The following MACROD2 variants were observed in gnomAD, a reference collection of about 807,000 sequenced individuals.
The protein encoded by MACROD2 is ADP-ribose glycohydrolase MACROD2.
MACROD2 carries 36 observed loss-of-function variants against 70.4 expected under a neutral mutation model. The observed-to-expected ratio is 0.51, with a 90% confidence interval of 0.39 to 0.68. The LOEUF is 0.68. Ranked by LOEUF, MACROD2 falls within the 30% of genes least tolerant of loss-of-function variation. The pLI is 0.00. For synonymous variants in MACROD2, 172 were observed against 178.8 expected (o/e 0.96, Z 0.30); for missense variants, 496 against 538.4 (o/e 0.92, Z 0.78).
At chr20:14,348,501 C>A (rs1465101460) in intron 3 of MACROD2, among the ~76,000 whole-genome samples, 1 of 151,710 alleles carries the variant, frequency 6.6e-6, no homozygotes, top group Non-Finnish European at 1.5e-5. Flanking sequence ...CTCCTCTGAA[C>A]CTTATTACTT....
intron 6 of MACROD2, among the ~76,000 whole-genome samples, chr20:15,408,479 G>A (rs547333128): frequency 9.9e-5 from 15 of 152,204 alleles, no homozygotes; most frequent in Non-Finnish European, 2.2e-4. Context: ...TTTTATCTAC[G>A]GTTCCATGCA....
intron 2 of MACROD2, among the ~76,000 whole-genome samples, chr20:14,055,325 G>T (rs946755216): frequency 2.0e-5 from 3 of 151,578 alleles, no homozygotes; most frequent in African/African-American, 7.3e-5. Flanking sequence ...TTGCAATGCC[G>T]CCCTCTAGTG....
At chr20:15,897,502 T>C (rs2064991347) in intron 10 of MACROD2, among the ~76,000 whole-genome samples, 1 of 152,140 alleles carries the variant, frequency 6.6e-6, no homozygotes, top group Non-Finnish European at 1.5e-5. Context: ...TTCTAATCTA[T>C]TACTTTCTAT....
intron 5 of MACROD2, among the ~76,000 whole-genome samples, chr20:14,821,953 T>C (rs2072850095): frequency 6.6e-6 from 1 of 152,112 alleles, no homozygotes; most frequent in Admixed American, 6.6e-5. Context: ...TATAGTTGTT[T>C]TATTTCATAC....
chr20:14,319,635 T>C (rs2082641360), intron 3 of MACROD2, among the ~76,000 whole-genome samples: 1 of 152,268 alleles, frequency 6.6e-6, no homozygotes, highest in Non-Finnish European at 1.5e-5. Context: ...TCCCCAAGGG[T>C]CACCTCATTT....
At chr20:15,493,665 A>G (rs1191789822) in intron 7 of MACROD2, among the ~76,000 whole-genome samples, 3 of 152,222 alleles carry the variant, frequency 2.0e-5, no homozygotes, top group Admixed American at 6.5e-5. Context: ...GGGAAATATC[A>G]ATAACAGTAA....
chr20:15,631,216 G>T (rs73900027), intron 8 of MACROD2, among the ~76,000 whole-genome samples: 2 of 152,114 alleles, frequency 1.3e-5, no homozygotes, highest in African/African-American at 4.8e-5. Flanking sequence ...AGGACAGCAC[G>T]GTCTCTTTCA....
At chr20:15,202,672 T>A (rs932350738) in intron 5 of MACROD2, among the ~76,000 whole-genome samples, 1 of 152,168 alleles carries the variant, frequency 6.6e-6, no homozygotes, top group Non-Finnish European at 1.5e-5. Flanking sequence ...ACAACTCAAG[T>A]GGGAAAATAT....
At chr20:14,142,351 T>G (rs192914502) in intron 3 of MACROD2, among the ~76,000 whole-genome samples, 60 of 152,290 alleles carry the variant, frequency 3.9e-4, no homozygotes, top group Non-Finnish European at 3.5e-4. Flanking sequence ...TGGGAATCTC[T>G]TTATTGTCTT....
intron 5 of MACROD2, among the ~76,000 whole-genome samples, chr20:15,003,742 C>T (rs1384733391): frequency 6.6e-6 from 1 of 152,104 alleles, no homozygotes; most frequent in Non-Finnish European, 1.5e-5. Flanking sequence ...AGGCTACAGG[C>T]TGGAGAGAGG....
At chr20:15,072,647 G>A (rs1006938794) in intron 5 of MACROD2, among the ~76,000 whole-genome samples, 4 of 152,022 alleles carry the variant, frequency 2.6e-5, no homozygotes, top group African/African-American at 9.7e-5. Context: ...GCAGCTTTTA[G>A]CAAGATTCTT....
At chr20:15,436,288 T>C (rs2046426892) in intron 7 of MACROD2, among the ~76,000 whole-genome samples, 1 of 152,034 alleles carries the variant, frequency 6.6e-6, no homozygotes. Flanking sequence ...GGCCTCACAA[T>C]CATGGTGGAA....
chr20:14,756,899 G>A lies in MACROD2; in HGVS notation c.418+71940G>A, dbSNP rs1352836434. 2.0e-5 allele frequency among the ~76,000 whole-genome samples: 3 copies of A among 151,984 alleles called. No homozygotes were observed. The East Asian group carries it at 5.8e-4, about 29-fold the overall frequency. ...CTCGTGGGATCTGACGGTCTTATAA[G>A]GGGCTTCCCCTTGGCTCTTTTCTCA... On this transcript the variant is annotated intron_variant, in intron 5 of 17. Transcript: ENST00000684519.
At chr20:14,322,778 T>C (rs897615473) in intron 3 of MACROD2, among the ~76,000 whole-genome samples, 1 of 152,154 alleles carries the variant, frequency 6.6e-6, no homozygotes, top group African/African-American at 2.4e-5. Flanking sequence ...ACCATAATAA[T>C]AGTAGTAACT....
At chr20:14,656,254 C>G (rs529523344) in intron 4 of MACROD2, among the ~76,000 whole-genome samples, 1 of 152,274 alleles carries the variant, frequency 6.6e-6, no homozygotes, top group South Asian at 2.1e-4. Context: ...CTGCTCCCCC[C>G]CACCCATTTT....
At chr20:14,039,267 C>T (rs2053356696) in intron 2 of MACROD2, among the ~76,000 whole-genome samples, 1 of 151,944 alleles carries the variant, frequency 6.6e-6, no homozygotes. Flanking sequence ...TAATTCATTC[C>T]ATGGAAAACT....
rs141139866 is a variant in MACROD2, at chr20:15,375,354, A to T, written c.541-56051A>T. Reference sequence around the variant, plus strand: ...GATTTGGAACAACAAGGTGAAGAAAATTAAGCCTCCCCAATTCCAGCTAGT... The same window carrying T: ...GATTTGGAACAACAAGGTGAAGAAATTTAAGCCTCCCCAATTCCAGCTAGT... On this transcript the variant is annotated intron_variant, in intron 6 of 17. Coordinates refer to ENST00000684519, the MANE Select transcript of MACROD2 (RefSeq NM_001351661.2). 4.4e-3 allele frequency among the ~76,000 whole-genome samples: 663 copies of T among 152,320 alleles called. 8 individuals carry two copies. The highest frequency in any genetic ancestry group is 0.034 in the Admixed American group (515 of 15,294).
At chr20:15,135,148 G>T (rs1188009805) in intron 5 of MACROD2, among the ~76,000 whole-genome samples, 2 of 151,564 alleles carry the variant, frequency 1.3e-5, no homozygotes, top group African/African-American at 4.8e-5. Flanking sequence ...AGGAGGAGCT[G>T]GTACCATTCC....
intron 5 of MACROD2, among the ~76,000 whole-genome samples, chr20:14,825,412 T>C (rs867060263): frequency 2.6e-5 from 4 of 152,082 alleles, no homozygotes; most frequent in Non-Finnish European, 4.4e-5. Flanking sequence ...GGTACCTTTT[T>C]CCTGAAGTAA....
Sources: allele counts gnomAD v4.1 joint callset (sites outside exome capture counted in the v4.1 genomes callset), GRCh38; gene constraint gnomAD v4.1.1; transcripts MANE v1.5; gene names NCBI Gene and HGNC (gene_info 2026-07-23, HGNC 2026-07-21).